Variants in FAM227B observed in about 807,000 individuals in gnomAD.
FAM227B encodes the protein protein FAM227B.
A neutral mutation model predicts 73.8 loss-of-function variants in FAM227B; 88 were observed. The ratio of observed to expected loss-of-function variants is 1.19; its 90% CI spans 1.00 to 1.42. The LOEUF (loss-of-function observed/expected upper bound fraction) is 1.42. Ranked by LOEUF, FAM227B falls within the 40% of genes most tolerant of loss-of-function variation. FAM227B has a pLI of 0.00. For missense variants in FAM227B, 632 were observed against 590.9 expected (o/e 1.07, Z -0.72); for synonymous variants, 210 against 190.5 (o/e 1.10, Z -0.84).
chr15:49,354,415 G>T (rs1355599699), intron 13 of FAM227B, among the ~76,000 whole-genome samples: 1 of 151,854 alleles, frequency 6.6e-6, no homozygotes, highest in African/African-American at 2.4e-5. Context: ...GAAGCAGGGC[G>T]AGGCATTGCC....
chr15:49,482,560 T>G (rs2056050354), intron 11 of FAM227B, among the ~76,000 whole-genome samples: 1 of 152,070 alleles, frequency 6.6e-6, no homozygotes, highest in South Asian at 2.1e-4. Context: ...TCAAGAGCTA[T>G]TCTGTTGGCA....
intron 13 of FAM227B, among the ~76,000 whole-genome samples, chr15:49,361,679 C>T (rs529077186): frequency 6.6e-6 from 1 of 152,202 alleles, no homozygotes; most frequent in South Asian, 2.1e-4. Context: ...CTTATCTTTA[C>T]TATTGTGAAT....
chr15:49,329,730 A>AT (rs1173115435), intron 15 of FAM227B: 2 of 970,354 alleles, frequency 2.1e-6, no homozygotes, highest in East Asian at 1.2e-4. Flanking sequence ...ATAATCCTTT[A>AT]TTTTTTAATA....
intron 3 of FAM227B, among the ~76,000 whole-genome samples, chr15:49,602,928 G>A (rs2077295900): frequency 6.6e-6 from 1 of 152,118 alleles, no homozygotes; most frequent in Non-Finnish European, 1.5e-5. Context: ...TATGTACTTA[G>A]CACCTTTGTT....
intron 5 of FAM227B, among the ~76,000 whole-genome samples, chr15:49,585,574 C>T (rs1433198854): frequency 6.6e-6 from 1 of 152,084 alleles, no homozygotes; most frequent in Non-Finnish European, 1.5e-5. Context: ...CCATCATTCT[C>T]AGCAAACTAT....
At chr15:49,402,465 T>C (rs1230391305) in intron 11 of FAM227B, among the ~76,000 whole-genome samples, 1 of 152,234 alleles carries the variant, frequency 6.6e-6, no homozygotes, top group Non-Finnish European at 1.5e-5. Context: ...AGCAGTCTTT[T>C]GTAGTTCTTA....
In FAM227B at chr15:49,425,395, G is replaced by A. The variant is rs1362956440; in HGVS notation, c.1013-53996C>T. On this transcript the variant is annotated intron_variant, in intron 11 of 15. Coordinates refer to ENST00000299338, the MANE Select transcript of FAM227B (RefSeq NM_152647.3). ...GTGTTTTGCATTTAATGGTTATGAT[G>A]AATAACCAACTTCAATAGTATTAAA... The A allele has an allele frequency of 2.6e-5, 4 of 151,914 alleles. No homozygotes were observed. The East Asian group carries it at 7.7e-4, about 29-fold the overall frequency. The allele number at this position is 151,914 out of a possible 1,614,324, so 9.4% of individuals were successfully genotyped here.
chr15:49,422,822 A>G, intron 11 of FAM227B: 4 of 935,748 alleles, frequency 4.3e-6, no homozygotes, highest in East Asian at 2.6e-5. Flanking sequence ...AGGCACTCAT[A>G]TGTTAGTTAA....
chr15:49,539,604 T>C (rs1297388594), intron 10 of FAM227B, among the ~76,000 whole-genome samples: 1 of 152,086 alleles, frequency 6.6e-6, no homozygotes, highest in Non-Finnish European at 1.5e-5. Context: ...GAAAATGAGG[T>C]CTGGAGAGTA....
chr15:49,609,316 A>T (rs2077734414), intron 3 of FAM227B, among the ~76,000 whole-genome samples: 2 of 151,792 alleles, frequency 1.3e-5, no homozygotes, highest in African/African-American at 2.4e-5. Flanking sequence ...AACAGGAGAT[A>T]GGAAGAGGTG....
rs899446297 is a variant in FAM227B, at chr15:49,588,002, C to T, written c.405+14G>A. 2.1e-6 allele frequency: 3 copies of T among 1,430,278 alleles called. No homozygotes were observed. The highest frequency in any genetic ancestry group is 2.8e-6 in the Non-Finnish European group (3 of 1,077,864). The allele number at this position is 1,430,278 out of a possible 1,614,324, so 88.6% of individuals were successfully genotyped here. On this transcript the variant is annotated intron_variant, in intron 5 of 15. Coordinates refer to ENST00000299338, the MANE Select transcript of FAM227B (RefSeq NM_152647.3). ...ATCCAACTTTCAAGGATGATAAAAACATAGATACCATACCATTATCTTTTT... is the reference window on the plus strand; with the variant it reads ...ATCCAACTTTCAAGGATGATAAAAATATAGATACCATACCATTATCTTTTT...
In FAM227B at chr15:49,328,186, TACTTAGGGC is replaced by T. The variant is rs1255520023; in HGVS notation, c.*373_*381del. The T allele has an allele frequency of 6.3e-7, 1 of 1,593,158 alleles. No individual in the cohort carries two copies. The highest frequency in any genetic ancestry group is 8.6e-7 in the Non-Finnish European group (1 of 1,167,930). On this transcript the variant is annotated 3_prime_UTR_variant, in exon 16 of 16. Transcript: ENST00000299338. ...AAAATGTAAAAAGTCTGAGAGAAAC[TACTTAGGGC>T]ACTTAGGAATTGGCAGGACTTTCTG...
chr15:49,459,521 G>C (rs556680956), intron 11 of FAM227B, among the ~76,000 whole-genome samples: 3 of 151,972 alleles, frequency 2.0e-5, no homozygotes, highest in Non-Finnish European at 4.4e-5. Context: ...ATTGTGTTAA[G>C]TGCTTTTCTT....
intron 8 of FAM227B, among the ~76,000 whole-genome samples, chr15:49,568,954 G>C (rs1191334525): frequency 1.3e-5 from 2 of 151,912 alleles, no homozygotes; most frequent in Admixed American, 6.6e-5. Flanking sequence ...CAGAAGGACT[G>C]GTGTTTATTC....
At chr15:49,518,732 G>T (rs974186269) in intron 10 of FAM227B, among the ~76,000 whole-genome samples, 2 of 152,018 alleles carry the variant, frequency 1.3e-5, no homozygotes, top group African/African-American at 4.8e-5. Context: ...TAACACATGG[G>T]GATTATGTGC....
intron 15 of FAM227B, chr15:49,331,535 C>T (rs539948962): frequency 2.4e-6 from 1 of 421,858 alleles, no homozygotes. Context: ...GCATTTGGAG[C>T]TTTTCAGTTA....
Position 49,615,262 on chromosome 15 carries a change from C to A in FAM227B, c.-72-19G>T. The A allele has an allele frequency of 9.6e-7, 1 of 1,043,182 alleles. No homozygotes were observed. Among genetic ancestry groups the A allele is most frequent in the Non-Finnish European group, 1.5e-6 (1 of 663,226 alleles). 64.6% of individuals were successfully genotyped at this position (1,043,182 alleles called of 1,614,324 possible). ...GACCAAACTGGGGTATGAAAGACAC[C>A]CAAATGCAAAAATAAATGACTCAGC... On this transcript the variant is annotated intron_variant, in intron 1 of 15. Coordinates refer to ENST00000299338, the MANE Select transcript of FAM227B (RefSeq NM_152647.3).
At chr15:49,452,448 G>GA (rs754057390) in intron 11 of FAM227B, among the ~76,000 whole-genome samples, 23 of 152,046 alleles carry the variant, frequency 1.5e-4, no homozygotes, top group Admixed American at 2.6e-4. Flanking sequence ...CTTGCTATGG[G>GA]AAAAAATGTT....
chr15:49,536,026 A>C (rs2060984324), intron 10 of FAM227B, among the ~76,000 whole-genome samples: 1 of 145,976 alleles, frequency 6.9e-6, no homozygotes, highest in Non-Finnish European at 1.5e-5. Context: ...CTCTCTTTGC[A>C]TTTCTCTTTA....
Sources: allele counts gnomAD v4.1 joint callset (sites outside exome capture counted in the v4.1 genomes callset), GRCh38; gene constraint gnomAD v4.1.1; transcripts MANE v1.5; gene names NCBI Gene and HGNC (gene_info 2026-07-23, HGNC 2026-07-21).